NFIC: variants seen among roughly 807,000 people sequenced by gnomAD.
The protein encoded by NFIC is nuclear factor 1 C-type.
NFIC carries 12 observed loss-of-function variants against 54.4 expected under a neutral mutation model. The ratio of observed to expected loss-of-function variants is 0.22; its 90% CI spans 0.14 to 0.36. The LOEUF is 0.36. Among genes scored for constraint, NFIC ranks in the 10% least tolerant of loss-of-function variants. The pLI is 1.00. For synonymous variants in NFIC, 322 were observed against 319.2 expected, an observed-to-expected ratio of 1.01 and a Z score of -0.09; for missense variants, 575 against 718.2, an observed-to-expected ratio of 0.80 and a Z score of 2.28.
intron 2 of NFIC, among the ~76,000 whole-genome samples, chr19:3,396,678 G>A (rs1052499875): frequency 2.0e-5 from 3 of 152,162 alleles, no homozygotes; most frequent in African/African-American, 4.8e-5. Flanking sequence ...GCCCAGGGCC[G>A]AGCACGGCGG....
At position 3,458,971 on chromosome 19, in the gene NFIC, C is replaced by G. The variant is rs111266490; in HGVS notation, c.1509+2336C>G. 1.9e-3 allele frequency among the ~76,000 whole-genome samples: 287 copies of G among 152,168 alleles called. 3 individuals carry two copies. Among genetic ancestry groups the G allele is most frequent in the African/African-American group, 6.6e-3 (276 of 41,510 alleles). ...GCTGCTGCCCTGACTGGACTAAGAG[C>G]ACCTGGGTTGAGGCCGGGCGCCGCC... On this transcript the variant is annotated intron_variant, in intron 10 of 10. Transcript: ENST00000443272. This position sits in a 1 kb window ranked among gnomAD's most constrained non-coding sequence, Gnocchi z 4.1.
intron 2 of NFIC, among the ~76,000 whole-genome samples, chr19:3,401,721 C>CTTTT (rs1333848770): frequency 2.8e-5 from 1 of 35,292 alleles, no homozygotes. Context: ...GGGTTATTCT[C>CTTTT]TTTTTTTTTC....
intron 2 of NFIC, among the ~76,000 whole-genome samples, chr19:3,414,520 G>A (rs2081818097): frequency 6.6e-6 from 1 of 151,876 alleles, no homozygotes. Flanking sequence ...ACTTGAACCC[G>A]GGAGGTGGAG....
Position 3,453,982 on chromosome 19 carries a change from G to C in NFIC, c.1423+66G>C. On this transcript the variant is annotated intron_variant, in intron 9 of 10. Transcript: ENST00000443272. The surrounding 1 kb of genome is among the most constrained non-coding windows in gnomAD (Gnocchi z 6.7). ...CGCAGGGGGGCCTGTCCCCTCCCCA[G>C]CCCCACTGCCAGGTCAGAGGTCAGG... The C allele has an allele frequency of 2.8e-6, 4 of 1,429,978 alleles. No individual in the cohort carries two copies. Among genetic ancestry groups the C allele is most frequent in the Non-Finnish European group, 3.6e-6 (4 of 1,099,988 alleles). 88.6% of individuals were successfully genotyped at this position (1,429,978 alleles called of 1,614,324 possible).
At chr19:3,422,402 G>A (rs191007375) in intron 2 of NFIC, among the ~76,000 whole-genome samples, 159 of 151,220 alleles carry the variant, frequency 1.1e-3, no homozygotes, top group African/African-American at 3.6e-3. Flanking sequence ...CTCATTTTGC[G>A]GATGAAGAAA....
chr19:3,394,178 G>A (rs1481656704), intron 2 of NFIC, among the ~76,000 whole-genome samples: 3 of 151,936 alleles, frequency 2.0e-5, no homozygotes, highest in Admixed American at 1.3e-4. Context: ...TAAACAACAG[G>A]AAAAATTATT....
intron 2 of NFIC, among the ~76,000 whole-genome samples, chr19:3,411,627 G>A (rs1380292874): frequency 6.6e-6 from 1 of 152,044 alleles, no homozygotes; most frequent in African/African-American, 2.4e-5. Flanking sequence ...GCCCTCCAGT[G>A]CATTTTAAAG....
At chr19:3,440,907 C>G (rs1055581373) in intron 6 of NFIC, among the ~76,000 whole-genome samples, 14 of 152,218 alleles carry the variant, frequency 9.2e-5, no homozygotes, top group African/African-American at 3.4e-4. Context: ...TCAGCGCCCA[C>G]TGGGCTCATG....
At chr19:3,444,140 A>AGAAGC (rs2082335132) in intron 6 of NFIC, among the ~76,000 whole-genome samples, 2 of 139,538 alleles carry the variant, frequency 1.4e-5, no homozygotes, top group Non-Finnish European at 3.2e-5. Flanking sequence ...TGTGTGACAA[A>AGAAGC]TGGCTGCTCC....
At position 3,452,609 on chromosome 19, in the gene NFIC, C is replaced by A; in HGVS notation, c.1212C>A (p.Asp404Glu). 6.2e-7 allele frequency: 1 copy of A among 1,613,752 alleles called. No individual in the cohort carries two copies. Among genetic ancestry groups the A allele is most frequent in the Non-Finnish European group, 8.5e-7 (1 of 1,179,944 alleles). The change falls in exon 8 of 11, where the codon GAC (aspartate) becomes GAA (glutamate). Residue 404 changes from aspartate to glutamate, a missense_variant. Physicochemically the swap from Asp to Glu is conservative, Grantham distance 45 (BLOSUM62 2). This residue lies in a region of NFIC where 447 missense variants were observed against 526.9 expected (regional missense o/e 0.85). Transcript: ENST00000443272. This position sits in a 1 kb window ranked among gnomAD's most constrained non-coding sequence, Gnocchi z 5.3. ...IRYPPHLNPQ[D>E]PLKDLVSLAC... The stretch of plus-strand genomic sequence containing the variant: ...ACCCACCTCATCTCAACCCCCAGGA[C>A]CCGCTCAAAGATCTTGTCTCGCTGG...
chr19:3,366,435 G>A (rs2080883858), upstream of NFIC: 1 of 502,854 alleles, frequency 2.0e-6, no homozygotes, highest in Non-Finnish European at 3.5e-6. Flanking sequence ...GGGAGAGAGG[G>A]ACAGAGAGCG....
At position 3,458,154 on chromosome 19, in the gene NFIC, A is replaced by G. The variant is rs2082588086; in HGVS notation, c.1509+1519A>G. 6.6e-6 allele frequency among the ~76,000 whole-genome samples: 1 copy of G among 152,164 alleles called. No homozygotes were observed. The highest frequency in any genetic ancestry group is 2.1e-4 in the South Asian group (1 of 4,838). On this transcript the variant is annotated intron_variant, in intron 10 of 10. Transcript: ENST00000443272. The surrounding 1 kb of genome is among the most constrained non-coding windows in gnomAD (Gnocchi z 4.1). Reference sequence around the variant, plus strand: ...ATATTAAGTACCCTGCCTTGCACCCATAGAGCCCCGGAGAGGGAGTAACTT... The same window carrying G: ...ATATTAAGTACCCTGCCTTGCACCCGTAGAGCCCCGGAGAGGGAGTAACTT...
At position 3,453,997 on chromosome 19, in the gene NFIC, C is replaced by T; in HGVS notation, c.1423+81C>T. 1.4e-6 allele frequency: 2 copies of T among 1,425,272 alleles called. No homozygotes were observed. Among genetic ancestry groups the T allele is most frequent in the Non-Finnish European group, 1.8e-6 (2 of 1,098,362 alleles). 88.3% of individuals were successfully genotyped at this position (1,425,272 alleles called of 1,614,324 possible). On this transcript the variant is annotated intron_variant, in intron 9 of 10. Transcript: ENST00000443272. This position sits in a 1 kb window ranked among gnomAD's most constrained non-coding sequence, Gnocchi z 6.7. ...CCCCTCCCCAGCCCCACTGCCAGGT[C>T]AGAGGTCAGGCCCGACCCTGCAGGG...
At chr19:3,422,205 G>A (rs2081963296) in intron 2 of NFIC, among the ~76,000 whole-genome samples, 1 of 152,006 alleles carries the variant, frequency 6.6e-6, no homozygotes, top group African/African-American at 2.4e-5. Flanking sequence ...CCAAAGTGCT[G>A]GGATTACAGG....
At chr19:3,398,631 C>G (rs1390917691) in intron 2 of NFIC, among the ~76,000 whole-genome samples, 2 of 152,152 alleles carry the variant, frequency 1.3e-5, no homozygotes, top group Non-Finnish European at 2.9e-5. Flanking sequence ...CAGAGGCCCT[C>G]GGACCCGGGC....
chr19:3,382,742 T>C (rs148053283), intron 2 of NFIC, among the ~76,000 whole-genome samples: 129 of 142,534 alleles, frequency 9.1e-4, no homozygotes, highest in Middle Eastern at 4.3e-3. Flanking sequence ...GAAGCCAGCA[T>C]GTGTAGATGT....
chr19:3,460,260 A>T (rs139789517), intron 10 of NFIC, among the ~76,000 whole-genome samples: 7 of 152,312 alleles, frequency 4.6e-5, no homozygotes, highest in Non-Finnish European at 1.0e-4. Context: ...TGCTCAGAAG[A>T]TGCCAAGGGG....
At chr19:3,415,441 C>T (rs966730360) in intron 2 of NFIC, among the ~76,000 whole-genome samples, 1 of 151,962 alleles carries the variant, frequency 6.6e-6, no homozygotes, top group Non-Finnish European at 1.5e-5. Flanking sequence ...GGTTCTTTCT[C>T]GACTCAATCC....
chr19:3,448,974 G>A (rs950540380), intron 6 of NFIC, 40 bp from the exon 7 acceptor site: 4 of 1,590,686 alleles, frequency 2.5e-6, no homozygotes, highest in Admixed American at 3.4e-5. Context: ...CTCATGGGGT[G>A]TGACCAGCCT....
Sources: gnomAD v4.1 joint callset for allele counts (sites outside exome capture counted in the v4.1 genomes callset) on GRCh38, gnomAD v4.1.1 for gene constraint, gnomAD v4.1.1 regional missense constraint, Gnocchi (gnomAD v3.1) non-coding constraint, MANE v1.5 for transcripts, NCBI Gene and HGNC (gene_info 2026-07-23, HGNC 2026-07-21) for gene names.